ANKRD12: variants seen among roughly 807,000 people sequenced by gnomAD.
ANKRD12 encodes the protein ankyrin repeat domain 12, also known as ankyrin repeat domain-containing protein 12.
Under a neutral mutation model 183.4 loss-of-function variants are expected in ANKRD12, and 85 were observed. The observed-to-expected ratio is 0.46, with a 90% CI of 0.39 to 0.56. The LOEUF is 0.56. Ranked by LOEUF, ANKRD12 falls within the 20% of genes least tolerant of loss-of-function variation. The pLI, the probability that ANKRD12 is intolerant of heterozygous loss-of-function variation, is 0.00. For synonymous variants in ANKRD12, 914 were observed against 800.2 expected, an observed-to-expected ratio of 1.14 and a Z score of -2.40; for missense variants, 2,405 against 2,357.1, an observed-to-expected ratio of 1.02 and a Z score of -0.42.
At chr18:9,209,984 C>T (rs953421416) in intron 5 of ANKRD12, among the ~76,000 whole-genome samples, 5 of 151,972 alleles carry the variant, frequency 3.3e-5, no homozygotes, top group African/African-American at 9.7e-5. Context: ...CTTACAAATA[C>T]GTATCTTTTG....
At chr18:9,209,384 A>G (rs1231677747) in intron 5 of ANKRD12, among the ~76,000 whole-genome samples, 5 of 152,152 alleles carry the variant, frequency 3.3e-5, no homozygotes, top group Non-Finnish European at 5.9e-5. Flanking sequence ...CAAGAAAGTA[A>G]ATCACTTTTG....
At chr18:9,229,034 C>G (rs955493558) in intron 8 of ANKRD12, among the ~76,000 whole-genome samples, 2 of 152,014 alleles carry the variant, frequency 1.3e-5, no homozygotes, top group Non-Finnish European at 2.9e-5. Context: ...ATATGGTTAT[C>G]CAGTCTTCCC....
At chr18:9,168,889 G>C (rs549405645) in intron 1 of ANKRD12, among the ~76,000 whole-genome samples, 15 of 151,878 alleles carry the variant, frequency 9.9e-5, no homozygotes, top group Non-Finnish European at 1.6e-4. Flanking sequence ...ACACTGCTTT[G>C]AATGTGTCCC....
intron 8 of ANKRD12, among the ~76,000 whole-genome samples, chr18:9,234,631 G>A (rs957484554): frequency 3.3e-5 from 5 of 152,150 alleles, no homozygotes; most frequent in African/African-American, 7.2e-5. Flanking sequence ...CTCCTGGGAT[G>A]TGGAGATATG....
At chr18:9,220,147 T>C (rs1411383660) in intron 7 of ANKRD12, among the ~76,000 whole-genome samples, 1 of 152,240 alleles carries the variant, frequency 6.6e-6, no homozygotes, top group Admixed American at 6.5e-5. Context: ...TTAAATAATT[T>C]GTTACAAATT....
chr18:9,165,065 ATGAATC>A (rs2031884844), intron 1 of ANKRD12, among the ~76,000 whole-genome samples: 1 of 152,306 alleles, frequency 6.6e-6, no homozygotes, highest in Admixed American at 6.5e-5. Flanking sequence ...AACTTGCTTT[ATGAATC>A]TAGGTGCTCC....
At position 9,255,659 on chromosome 18, in the gene ANKRD12, G is replaced by C; in HGVS notation, c.2392G>C (p.Gly798Arg). 2 of 1,586,354 alleles carry C rather than the reference G, an allele frequency of 1.3e-6. No individual in the cohort carries two copies. The highest frequency in any genetic ancestry group is 1.7e-6 in the Non-Finnish European group (2 of 1,173,026). Reference protein sequence around the residue: ...LGMSAIEESIGLHLVEKEIDI... With the variant: ...LGMSAIEESIRLHLVEKEIDI... The stretch of plus-strand genomic sequence containing the variant: ...TATGAGTGCCATTGAGGAATCTATA[G>C]GGCTTCATTTAGTGGAAAAGGAAAT... The change falls in exon 9 of 13, where the codon GGG (glycine) becomes CGG (arginine). Residue 798 changes from glycine (G) to arginine (R), a missense_variant. Coordinates refer to ENST00000262126, the MANE Select transcript of ANKRD12 (RefSeq NM_015208.5).
At chr18:9,203,713 T>G (rs938098980) in intron 3 of ANKRD12, among the ~76,000 whole-genome samples, 2 of 152,172 alleles carry the variant, frequency 1.3e-5, no homozygotes, top group Non-Finnish European at 2.9e-5. Context: ...CAAGTGATTC[T>G]CTGGCCTCAG....
intron 9 of ANKRD12, 74 bp from the exon 10 acceptor site, chr18:9,263,716 T>G: frequency 8.6e-7 from 1 of 1,164,316 alleles, no homozygotes; most frequent in South Asian, 2.3e-5. Flanking sequence ...ACTAAAAGGG[T>G]TTAATTTTAA....
intron 10 of ANKRD12, among the ~76,000 whole-genome samples, chr18:9,271,939 C>G (rs888774687): frequency 6.6e-6 from 1 of 152,140 alleles, no homozygotes; most frequent in South Asian, 2.1e-4. Flanking sequence ...TTAAGAGCAA[C>G]GCTGTTCAAG....
At chr18:9,197,207 G>C (rs553217911) in intron 3 of ANKRD12, among the ~76,000 whole-genome samples, 19 of 152,236 alleles carry the variant, frequency 1.2e-4, no homozygotes, top group African/African-American at 4.6e-4. Context: ...ACTTAGGAAG[G>C]TAAGAAATTT....
At chr18:9,241,619 T>C (rs573469332) in intron 8 of ANKRD12, among the ~76,000 whole-genome samples, 11 of 152,320 alleles carry the variant, frequency 7.2e-5, no homozygotes, top group East Asian at 3.9e-4. Context: ...GTATCTGTTA[T>C]GTGCAGAGGG....
At position 9,254,732 on chromosome 18, in the gene ANKRD12, A is replaced by C; in HGVS notation, c.1465A>C (p.Lys489Gln). 1 of 1,496,030 alleles carries C rather than the reference A, an allele frequency of 6.7e-7. No individual in the cohort carries two copies. The highest frequency in any genetic ancestry group is 1.4e-5 in the African/African-American group (1 of 70,384). 92.7% of individuals were successfully genotyped at this position (1,496,030 alleles called of 1,614,324 possible). ...QNKNKENQEL[K>Q]QEKEGKENTR... ...TAAAAATAAAGAGAACCAAGAGCTAAAGCAAGAAAAGGAAGGAAAAGAAAA... is the reference window on the plus strand; with the variant it reads ...TAAAAATAAAGAGAACCAAGAGCTACAGCAAGAAAAGGAAGGAAAAGAAAA... Residue 489 changes from lysine (K) to glutamine (Q), a missense_variant, in exon 9 of 13, where the codon AAG becomes CAG. Coordinates refer to ENST00000262126, the MANE Select transcript of ANKRD12 (RefSeq NM_015208.5).
intron 10 of ANKRD12, among the ~76,000 whole-genome samples, chr18:9,272,542 A>G (rs2039653914): frequency 6.6e-6 from 1 of 152,072 alleles, no homozygotes. Flanking sequence ...AGCCTGGACG[A>G]CAGAGTGGGA....
chr18:9,261,303 C>G (rs553586102), intron 9 of ANKRD12, among the ~76,000 whole-genome samples: 15 of 152,162 alleles, frequency 9.9e-5, no homozygotes, highest in Non-Finnish European at 2.1e-4. Context: ...CTTTCATGGT[C>G]AAATAAGTTT....
chr18:9,238,334 T>A (rs556210500), intron 8 of ANKRD12, among the ~76,000 whole-genome samples: 2 of 152,234 alleles, frequency 1.3e-5, no homozygotes, highest in African/African-American at 4.8e-5. Flanking sequence ...GAGTTTTTAC[T>A]ACCATTTATG....
rs2040096850 is a variant in ANKRD12, at chr18:9,281,278, A to C, written c.*152A>C. On this transcript the variant is annotated 3_prime_UTR_variant, in exon 13 of 13. Transcript: ENST00000262126. ...TATGTAGTAAACACTGTCATTTTAT[A>C]AAAAATGAGAATTATTTTGGATCTT... 1.8e-6 allele frequency: 1 copy of C among 553,884 alleles called. No homozygotes were observed. The allele number at this position is 553,884 out of a possible 1,614,324, so 34.3% of individuals were successfully genotyped here.
At chr18:9,171,671 C>G (rs999219920) in intron 1 of ANKRD12, among the ~76,000 whole-genome samples, 34 of 152,082 alleles carry the variant, frequency 2.2e-4, no homozygotes, top group African/African-American at 8.0e-4. Context: ...TCTTATTTCT[C>G]CTTTGCTTAT....
rs1046335851 is a variant in ANKRD12, at chr18:9,136,827, G to A, written c.-190G>A. The A allele has an allele frequency of 6.6e-6, 1 of 152,270 alleles. No homozygotes were observed. The highest frequency in any genetic ancestry group is 2.1e-4 in the South Asian group (1 of 4,836). The allele number at this position is 152,270 out of a possible 1,614,324, so 9.4% of individuals were successfully genotyped here. ...AGCGAGGAGGCTGTGGTGAGAGACG[G>A]ACCGAGACCGGAGATGTTTTCAAGC... On this transcript the variant is annotated 5_prime_UTR_variant, in exon 1 of 13. Transcript: ENST00000262126.
Sources: gnomAD v4.1 joint callset for allele counts (sites outside exome capture counted in the v4.1 genomes callset) on GRCh38, gnomAD v4.1.1 for gene constraint, MANE v1.5 for transcripts, NCBI Gene and HGNC (gene_info 2026-07-23, HGNC 2026-07-21) for gene names.